The following STAG1 variants were observed in gnomAD, a reference collection of about 807,000 sequenced individuals.
STAG1 encodes the protein cohesin subunit SA-1.
Under a neutral mutation model 170.9 loss-of-function variants are expected in STAG1, and 26 were observed. The ratio of observed to expected loss-of-function variants is 0.15; its 90% CI spans 0.11 to 0.21. The LOEUF (loss-of-function observed/expected upper bound fraction) is 0.21. Among genes scored for constraint, STAG1 ranks in the 10% least tolerant of loss-of-function variants. The pLI is 1.00. For synonymous variants in STAG1, 514 were observed against 497.7 expected (o/e 1.03, Z -0.44); for missense variants, 964 against 1,509.5 (o/e 0.64, Z 5.99).
At chr3:136,557,096 T>C (rs541623280) in intron 5 of STAG1, among the ~76,000 whole-genome samples, 1 of 151,912 alleles carries the variant, frequency 6.6e-6, no homozygotes, top group South Asian at 2.1e-4. Flanking sequence ...TAGCCAGGTG[T>C]AGTGGTGGTG....
intron 5 of STAG1, among the ~76,000 whole-genome samples, chr3:136,551,647 C>G (rs1392826107): frequency 6.6e-6 from 1 of 151,570 alleles, no homozygotes; most frequent in Non-Finnish European, 1.5e-5. Context: ...GGATCTTGCT[C>G]TGTTGCCCAG....
rs1197787569 is a variant in STAG1 at position 136,520,559 on chromosome 3, A to C, written c.676+654T>G. On this transcript the variant is annotated intron_variant, in intron 7 of 33. Coordinates refer to ENST00000383202, the MANE Select transcript of STAG1 (RefSeq NM_005862.3). ...TGACGGAAAAATAGAACAATTGCTA[A>C]AATAAGAAAATTACCTCGTTACTGA... Among the ~76,000 whole-genome samples, 4 of 152,138 alleles carry C rather than the reference A, an allele frequency of 2.6e-5. No homozygotes were observed. The South Asian group carries it at 6.2e-4, about 24-fold the overall frequency.
At chr3:136,634,110 C>T (rs1314128450) in intron 1 of STAG1, among the ~76,000 whole-genome samples, 1 of 151,218 alleles carries the variant, frequency 6.6e-6, no homozygotes, top group Admixed American at 6.6e-5. Context: ...CACTGCACTC[C>T]AGTCTCGGTG....
intron 24 of STAG1, 95 bp from the exon 25 acceptor site, chr3:136,367,177 A>G (rs1203934057): frequency 5.0e-6 from 5 of 1,000,186 alleles, no homozygotes; most frequent in East Asian, 2.4e-5. Context: ...GCTTAATATT[A>G]TAACTTCACA....
At position 136,336,684 on chromosome 3, in the gene STAG1, T is replaced by C. The variant is rs1300350242; in HGVS notation, c.*1570A>G. The C allele has an allele frequency of 1.3e-5, 2 of 152,224 alleles. No homozygotes were observed. Among genetic ancestry groups the C allele is most frequent in the Non-Finnish European group, 2.9e-5 (2 of 68,034 alleles). The allele number at this position is 152,224 out of a possible 1,614,324, so 9.4% of individuals were successfully genotyped here. A position where few individuals can be genotyped will look rare whatever the true frequency, so the allele number is the denominator to read the frequency against. On this transcript the variant is annotated 3_prime_UTR_variant, in exon 34 of 34. Transcript: ENST00000383202. ...AGAATTGCTGAATTAGCAGAGAAGA[T>C]ATTTTTGGTGACCAGGTTTTTTTCA...
chr3:136,588,774 G>C (rs1433741395), intron 4 of STAG1, among the ~76,000 whole-genome samples: 6 of 151,632 alleles, frequency 4.0e-5, no homozygotes. Flanking sequence ...TGTTTGGTTG[G>C]TTTTGTGAGA....
At chr3:136,448,585 T>C (rs145126958) in intron 14 of STAG1, among the ~76,000 whole-genome samples, 44 of 152,286 alleles carry the variant, frequency 2.9e-4, no homozygotes, top group African/African-American at 9.6e-4. Flanking sequence ...ATTATTACAA[T>C]TCAAGATGGG....
intron 22 of STAG1, among the ~76,000 whole-genome samples, chr3:136,386,797 G>A (rs1396484179): frequency 2.6e-5 from 4 of 151,860 alleles, no homozygotes; most frequent in East Asian, 3.9e-4. Context: ...ATTTAGTTGC[G>A]TTTTCATCCA....
rs568233239 is a variant in STAG1 at position 136,367,094 on chromosome 3, T to G, written c.2546-12A>C. 6.3e-7 allele frequency: 1 copy of G among 1,584,994 alleles called. No homozygotes were observed. Among genetic ancestry groups the G allele is most frequent in the African/African-American group, 1.3e-5 (1 of 74,360 alleles). On this transcript the variant is annotated splice_polypyrimidine_tract_variant and intron_variant, in intron 24 of 33. Transcript: ENST00000383202. ...TTCTTCATCACCCTCTAAACACAGA[T>G]TACAAATTGGTTATGAATTCTGGTA... is the stretch of plus-strand genomic sequence containing the variant.
chr3:136,568,569 T>TAAA (rs1463968335), intron 5 of STAG1, among the ~76,000 whole-genome samples, 196 bp downstream of exon 5: 1 of 152,172 alleles, frequency 6.6e-6, no homozygotes, highest in East Asian at 1.9e-4. Flanking sequence ...TGTATTACTT[T>TAAA]ATAGGAGCAA....
intron 21 of STAG1, among the ~76,000 whole-genome samples, chr3:136,401,614 A>T (rs1445063515): frequency 6.6e-6 from 1 of 152,040 alleles, no homozygotes. Context: ...AATGAGGATG[A>T]GCACCTTTTC....
chr3:136,465,798 C>A (rs1224901550), intron 12 of STAG1, among the ~76,000 whole-genome samples: 1 of 151,992 alleles, frequency 6.6e-6, no homozygotes, highest in Non-Finnish European at 1.5e-5. Context: ...CTAACAAAAA[C>A]AGCATAAGGC....
Position 136,337,127 on chromosome 3 carries a change from A to G in STAG1, c.*1127T>C, listed in dbSNP as rs1378480457. The G allele has an allele frequency of 1.3e-5, 2 of 152,682 alleles. No homozygotes were observed. The highest frequency in any genetic ancestry group is 6.5e-5 in the Admixed American group (1 of 15,282). 9.5% of individuals were successfully genotyped at this position (152,682 alleles called of 1,614,324 possible). A position where few individuals can be genotyped will look rare whatever the true frequency, so the allele number is the denominator to read the frequency against. On this transcript the variant is annotated 3_prime_UTR_variant, in exon 34 of 34. Coordinates refer to ENST00000383202, the MANE Select transcript of STAG1 (RefSeq NM_005862.3). ...AACACTGAAATGTAGCTGTAATTCA[A>G]GGTAAGCTTAGGAACTTCACCCTCT...
chr3:136,456,885 T>C (rs1380620040), intron 13 of STAG1, among the ~76,000 whole-genome samples: 1 of 152,198 alleles, frequency 6.6e-6, no homozygotes, highest in Middle Eastern at 3.2e-3. Context: ...AGAAAACTGC[T>C]ATCCAAGAAT....
intron 7 of STAG1, among the ~76,000 whole-genome samples, chr3:136,504,262 C>T (rs891698587): frequency 4.6e-5 from 7 of 152,010 alleles, no homozygotes; most frequent in Non-Finnish European, 1.0e-4. Flanking sequence ...AAAAAACAAA[C>T]GTGTTTAAGT....
chr3:136,630,512 T>C (rs1940292461), intron 2 of STAG1, among the ~76,000 whole-genome samples: 1 of 152,208 alleles, frequency 6.6e-6, no homozygotes, highest in African/African-American at 2.4e-5. Flanking sequence ...CAACTTGTAA[T>C]ACAAAGTAGT....
chr3:136,528,494 A>AAC (rs1935187096), intron 6 of STAG1, among the ~76,000 whole-genome samples: 1 of 71,352 alleles, frequency 1.4e-5, no homozygotes. Flanking sequence ...ATGTCCCCGC[A>AAC]CCCCCCCCCC....
intron 32 of STAG1, among the ~76,000 whole-genome samples, chr3:136,339,716 A>C (rs1369749536): frequency 2.0e-5 from 3 of 152,172 alleles, no homozygotes; most frequent in African/African-American, 7.2e-5. Flanking sequence ...TTCTGCCTAT[A>C]ACTACTACAA....
chr3:136,581,629 A>AAAAATATT (rs1937591943), intron 4 of STAG1, among the ~76,000 whole-genome samples: 1 of 152,184 alleles, frequency 6.6e-6, no homozygotes, highest in African/African-American at 2.4e-5. Context: ...ACAAAACCTT[A>AAAAATATT]AAAATATTAA....
Sources: allele counts gnomAD v4.1 joint callset (sites outside exome capture counted in the v4.1 genomes callset), GRCh38; gene constraint gnomAD v4.1.1; transcripts MANE v1.5; gene names NCBI Gene and HGNC (gene_info 2026-07-23, HGNC 2026-07-21).